Variants in SNW1 observed in about 807,000 individuals in gnomAD.
SNW1 encodes SNW domain containing 1, also known as SNW domain-containing protein 1.
Under a neutral mutation model 75.6 loss-of-function variants are expected in SNW1, and 9 were observed. The observed-to-expected ratio is 0.12, with a 90% CI of 0.07 to 0.21. SNW1 has a LOEUF of 0.21. Ranked by LOEUF, SNW1 falls within the 10% of genes least tolerant of loss-of-function variation. The pLI is 1.00. For synonymous variants in SNW1, 200 were observed against 219.1 expected, an observed-to-expected ratio of 0.91 and a Z score of 0.77; for missense variants, 409 against 670.9, an observed-to-expected ratio of 0.61 and a Z score of 4.31.
At chr14:77,747,088 CG>C (rs2080766278) in intron 3 of SNW1, among the ~76,000 whole-genome samples, 1 of 152,120 alleles carries the variant, frequency 6.6e-6, no homozygotes, top group African/African-American at 2.4e-5. Flanking sequence ...GACTGGTTTT[CG>C]TATTTTTTTG....
rs541840549 is a variant in SNW1 at position 77,717,927 on chromosome 14, A to C, written c.*161T>G. 2.4e-5 allele frequency: 15 copies of C among 637,308 alleles called. No individual in the cohort carries two copies. In the South Asian group the frequency reaches 3.7e-4, roughly 16 times the overall value. The allele number at this position is 637,308 out of a possible 1,614,324, so 39.5% of individuals were successfully genotyped here. Reference sequence around the variant, plus strand: ...TAAAAAAAACTAAATAATTCAAAGTAGAATTTTCTATCCCCCCCATTTCTC... The same window carrying C: ...TAAAAAAAACTAAATAATTCAAAGTCGAATTTTCTATCCCCCCCATTTCTC... On this transcript the variant is annotated 3_prime_UTR_variant, in exon 14 of 14. Coordinates refer to ENST00000261531, the MANE Select transcript of SNW1 (RefSeq NM_012245.3).
At chr14:77,754,691 T>G (rs2080831225) in intron 2 of SNW1, among the ~76,000 whole-genome samples, 1 of 152,170 alleles carries the variant, frequency 6.6e-6, no homozygotes, top group Non-Finnish European at 1.5e-5. Flanking sequence ...ATTCCTGAAT[T>G]TATAAAATAT....
intron 12 of SNW1, 85 bp downstream of exon 12, chr14:77,720,626 C>G (rs45465691): frequency 0.19 from 173,546 of 904,596 alleles, 18,185 homozygotes; most frequent in Middle Eastern, 0.23. Flanking sequence ...GCATTTACAT[C>G]CAAATGTAAA....
intron 3 of SNW1, among the ~76,000 whole-genome samples, chr14:77,748,160 T>C (rs1009002553): frequency 5.3e-5 from 8 of 152,206 alleles, no homozygotes; most frequent in African/African-American, 1.4e-4. Context: ...CAGGGTTAAA[T>C]GGATTAAGGG....
chr14:77,747,679 G>C lies in SNW1; in HGVS notation c.330+3640C>G, dbSNP rs543848845. Among the ~76,000 whole-genome samples the C allele has an allele frequency of 3.5e-3, 523 of 150,178 alleles. 4 individuals are homozygous for C. The highest frequency in any genetic ancestry group is 0.021 in the Middle Eastern group (6 of 290). On this transcript the variant is annotated intron_variant, in intron 3 of 13. Coordinates refer to ENST00000261531, the MANE Select transcript of SNW1 (RefSeq NM_012245.3). ...TGGGAAGTGAGGAGCGACTCCGCCC[G>C]GCAGCCGCCCCGTCCAGGAGGGAGG...
chr14:77,728,623 A>G (rs1346797099), intron 10 of SNW1, among the ~76,000 whole-genome samples: 1 of 151,996 alleles, frequency 6.6e-6, no homozygotes, highest in Non-Finnish European at 1.5e-5. Context: ...ATTTTTTTCT[A>G]CCCTCGCCAG....
chr14:77,721,929 G>A (rs1223337758), intron 11 of SNW1, among the ~76,000 whole-genome samples: 3 of 152,010 alleles, frequency 2.0e-5, no homozygotes, highest in Non-Finnish European at 2.9e-5. Flanking sequence ...TGCATTTTTA[G>A]TAGAGATGGG....
In SNW1 at chr14:77,717,890, C is replaced by T. The variant is rs2080501663; in HGVS notation, c.*198G>A. 1 of 561,718 alleles carries T rather than the reference C, an allele frequency of 1.8e-6. No individual in the cohort carries two copies. The highest frequency in any genetic ancestry group is 3.1e-6 in the Non-Finnish European group (1 of 324,830). The allele number at this position is 561,718 out of a possible 1,614,324, so 34.8% of individuals were successfully genotyped here. On this transcript the variant is annotated 3_prime_UTR_variant, in exon 14 of 14. Transcript: ENST00000261531. Reference sequence around the variant, plus strand: ...CTGAAAGGTGGGAGAAGCACAAACACAACCCACTCTTTAAAAAAAACTAAA... The same window carrying T: ...CTGAAAGGTGGGAGAAGCACAAACATAACCCACTCTTTAAAAAAAACTAAA...
chr14:77,730,579 T>A (rs943761312), intron 10 of SNW1, among the ~76,000 whole-genome samples: 1 of 152,210 alleles, frequency 6.6e-6, no homozygotes, highest in Admixed American at 6.5e-5. Context: ...ACTGGCAGAT[T>A]TAATGATGAG....
chr14:77,754,108 G>A (rs1353528936), intron 2 of SNW1, among the ~76,000 whole-genome samples: 1 of 150,876 alleles, frequency 6.6e-6, no homozygotes, highest in Non-Finnish European at 1.5e-5. Context: ...GCAATGGTGC[G>A]ATCTTGGCTC....
chr14:77,741,818 G>A lies in SNW1; in HGVS notation c.331-2757C>T, dbSNP rs2080721435. Among the ~76,000 whole-genome samples the A allele has an allele frequency of 2.0e-5, 3 of 152,208 alleles. No homozygotes were observed. In the South Asian group the frequency reaches 6.2e-4, roughly 32 times the overall value. On this transcript the variant is annotated intron_variant, in intron 3 of 13. Transcript: ENST00000261531. The stretch of plus-strand genomic sequence containing the variant: ...TCCATAGCAACGGTTATAAGGAAAG[G>A]ATTCTAAGTAAATGGCTCCCTGGTA...
intron 1 of SNW1, among the ~76,000 whole-genome samples, chr14:77,757,534 G>A (rs1231190964): frequency 6.6e-6 from 1 of 152,116 alleles, no homozygotes; most frequent in Admixed American, 6.5e-5. Flanking sequence ...TTCAATACAG[G>A]TTCTGTATGT....
At chr14:77,761,039 G>T (rs370284268) in intron 1 of SNW1, 75 bp downstream of exon 1, 41 of 1,614,128 alleles carry the variant, frequency 2.5e-5, no homozygotes, top group Non-Finnish European at 2.3e-5. Context: ...ACCGCCCGGA[G>T]GGTATGGGAA....
intron 11 of SNW1, chr14:77,722,914 G>A (rs561811637): frequency 1.6e-5 from 7 of 426,392 alleles, no homozygotes; most frequent in South Asian, 2.0e-5. Flanking sequence ...GCGTGATCTC[G>A]GCTCACTGCA....
rs1258213394 is a variant in SNW1 at position 77,732,396 on chromosome 14, G to A, written c.891+89C>T. On this transcript the variant is annotated intron_variant, in intron 9 of 13. Coordinates refer to ENST00000261531, the MANE Select transcript of SNW1 (RefSeq NM_012245.3). The stretch of plus-strand genomic sequence containing the variant: ...TGGGTGAGACTCTCTTTGGGTGCTC[G>A]GTACTATAGTTAAATTATCAGTACC... 2.1e-5 allele frequency: 16 copies of A among 772,538 alleles called. No individual in the cohort carries two copies. The East Asian group carries it at 3.2e-4, about 15-fold the overall frequency. The allele number at this position is 772,538 out of a possible 1,614,324, so 47.9% of individuals were successfully genotyped here.
intron 3 of SNW1, among the ~76,000 whole-genome samples, chr14:77,739,639 A>T (rs1313616365): frequency 6.6e-6 from 1 of 151,878 alleles, no homozygotes; most frequent in Admixed American, 6.6e-5. Context: ...AGAAAAATAT[A>T]TTCTATATAT....
intron 12 of SNW1, 54 bp downstream of exon 12, chr14:77,720,657 C>G: frequency 8.5e-7 from 1 of 1,174,694 alleles, no homozygotes; most frequent in Non-Finnish European, 1.3e-6. Flanking sequence ...TTTCGTTTCC[C>G]TGAGGATAGG....
intron 1 of SNW1, among the ~76,000 whole-genome samples, chr14:77,760,310 G>A (rs1477262): frequency 0.84 from 127,740 of 152,166 alleles, 53,705 homozygotes; most frequent in African/African-American, 0.87. Flanking sequence ...CTGATGTCCT[G>A]AAAGGATTAC....
chr14:77,735,267 T>C (rs1220120903), intron 7 of SNW1, among the ~76,000 whole-genome samples: 1 of 152,168 alleles, frequency 6.6e-6, no homozygotes, highest in Non-Finnish European at 1.5e-5. Flanking sequence ...TATTTTTCCA[T>C]ATTTAAAGTG....
Sources: gnomAD v4.1 joint callset for allele counts (sites outside exome capture counted in the v4.1 genomes callset) on GRCh38, gnomAD v4.1.1 for gene constraint, MANE v1.5 for transcripts, NCBI Gene and HGNC (gene_info 2026-07-23, HGNC 2026-07-21) for gene names.